DENND1A: variants seen among roughly 807,000 people sequenced by gnomAD.
DENND1A encodes DENN domain containing 1A.
Under a neutral mutation model 113.7 loss-of-function variants are expected in DENND1A, and 51 were observed. That is an observed-to-expected ratio of 0.45 (90% CI 0.36 to 0.57). The LOEUF (loss-of-function observed/expected upper bound fraction) is 0.57, where lower values mean the gene tolerates loss of function less well. DENND1A is among the 20% of genes least tolerant of loss of function. The probability of loss-of-function intolerance (pLI) is 0.00; values close to 1 mark genes in which losing one functional copy is unlikely to be tolerated. For synonymous variants in DENND1A, 565 were observed against 570.8 expected, an observed-to-expected ratio of 0.99 and a Z score of 0.14; for missense variants, 1,258 against 1,395.9, an observed-to-expected ratio of 0.90 and a Z score of 1.57.
In DENND1A at chr9:123,382,242, C is replaced by A. The variant is rs146208649; in HGVS notation, c.2403G>T (p.Thr801=). 1 of 1,609,538 alleles carries A rather than the reference C, an allele frequency of 6.2e-7. No homozygotes were observed. Residue 801 remains threonine (T), a synonymous_variant, in exon 24 of 24, where the codon ACG becomes ACT. Coordinates refer to ENST00000394215, the MANE Select transcript of DENND1A (RefSeq NM_001352964.2). ...ALGDVSERLQ[T]DRDRRAALSP... ...TCAGGGCAGCTCGCCTGTCCCGATC[C>A]GTCTGCAGCCGCTCTGAGACGTCAC...
rs1301648160 is a variant in DENND1A at position 123,861,048 on chromosome 9, G to A, written c.88+17903C>T. Among the ~76,000 whole-genome samples the A allele has an allele frequency of 2.0e-5, 3 of 152,256 alleles. No homozygotes were observed. The South Asian group carries it at 6.2e-4, about 32-fold the overall frequency. On this transcript the variant is annotated intron_variant, in intron 2 of 23. Coordinates refer to ENST00000394215, the MANE Select transcript of DENND1A (RefSeq NM_001352964.2). ...TCTGGCCTTAAACTGCAAAGTTCAT[G>A]TCTAATTTGACTAGTAAGAGTCAGA...
intron 13 of DENND1A, among the ~76,000 whole-genome samples, chr9:123,552,975 G>A (rs541294895): frequency 1.1e-4 from 16 of 152,344 alleles, no homozygotes; most frequent in Non-Finnish European, 2.2e-4. Flanking sequence ...CCAGCATGCC[G>A]GGCACGGTGG....
rs936955076 is a variant in DENND1A at position 123,573,921 on chromosome 9, G to A, written c.867+9248C>T. Among the ~76,000 whole-genome samples the A allele has an allele frequency of 5.3e-5, 8 of 151,652 alleles. No homozygotes were observed. The East Asian group carries it at 5.8e-4, about 11-fold the overall frequency. On this transcript the variant is annotated intron_variant, in intron 12 of 23. Transcript: ENST00000394215. ...TTTTCTAGATGCTCTCTATCACAGT[G>A]AGAATACTTCATTTTCTAGGAGTTC...
chr9:123,895,763 T>TC (rs996408305), intron 1 of DENND1A, among the ~76,000 whole-genome samples: 1 of 152,188 alleles, frequency 6.6e-6, no homozygotes, highest in African/African-American at 2.4e-5. Flanking sequence ...TGCTCCATTC[T>TC]CCCAATCTAA....
chr9:123,420,533 G>A (rs1014559295), intron 19 of DENND1A, among the ~76,000 whole-genome samples: 13 of 152,124 alleles, frequency 8.5e-5, no homozygotes, highest in Middle Eastern at 3.2e-3. Context: ...GGATTCAGGG[G>A]CTCGCCAGTC....
intron 11 of DENND1A, among the ~76,000 whole-genome samples, chr9:123,590,337 G>A (rs1382305934): frequency 2.0e-5 from 3 of 152,156 alleles, no homozygotes; most frequent in Non-Finnish European, 4.4e-5. Flanking sequence ...TTGCCCAAGA[G>A]CAGACAATTC....
In DENND1A at chr9:123,401,579, C is replaced by T; in HGVS notation, c.1631+1823G>A. On this transcript the variant is annotated intron_variant, in intron 21 of 23. Transcript: ENST00000394215. ...TCTATCACTGGTAGTTTGCCAACCA[C>T]CAAACTGGCTCCCATGCTCCCACTG... 2.1e-6 allele frequency: 3 copies of T among 1,396,598 alleles called. No homozygotes were observed. The South Asian group carries it at 4.8e-5, about 23-fold the overall frequency. 86.5% of individuals were successfully genotyped at this position (1,396,598 alleles called of 1,614,324 possible). A position where few individuals can be genotyped will look rare whatever the true frequency, so the allele number is the denominator to read the frequency against.
At position 123,889,695 on chromosome 9, in the gene DENND1A, G is replaced by A. The variant is rs536954496; in HGVS notation, c.18-10674C>T. Among the ~76,000 whole-genome samples the A allele has an allele frequency of 1.6e-4, 24 of 152,262 alleles. No individual in the cohort carries two copies. The South Asian group carries it at 3.3e-3, about 21-fold the overall frequency. ...CAATGTATAAAAATCAAAAGAGGCC[G>A]GGCGTGGTGGCTCATACCTGTAATT... On this transcript the variant is annotated intron_variant, in intron 1 of 23. Transcript: ENST00000394215.
chr9:123,497,514 G>C (rs1421282527), intron 13 of DENND1A, among the ~76,000 whole-genome samples: 1 of 151,930 alleles, frequency 6.6e-6, no homozygotes, highest in Non-Finnish European at 1.5e-5. Context: ...ATAGAGATGG[G>C]GTCTCACTAT....
At chr9:123,870,619 T>C (rs546515201) in intron 2 of DENND1A, among the ~76,000 whole-genome samples, 1 of 152,146 alleles carries the variant, frequency 6.6e-6, no homozygotes, top group African/African-American at 2.4e-5. Flanking sequence ...GTATTTTTAG[T>C]AGAGACGGGG....
intron 13 of DENND1A, among the ~76,000 whole-genome samples, chr9:123,500,961 C>T (rs2052427722): frequency 1.3e-5 from 2 of 152,076 alleles, no homozygotes; most frequent in Non-Finnish European, 2.9e-5. Context: ...AATTTACTGC[C>T]GATTATTTTT....
intron 13 of DENND1A, among the ~76,000 whole-genome samples, chr9:123,548,246 C>T (rs943419997): frequency 6.6e-6 from 1 of 152,120 alleles, no homozygotes; most frequent in African/African-American, 2.4e-5. Context: ...CAGATGACCA[C>T]TAAAATGGGA....
chr9:123,557,800 G>A, intron 12 of DENND1A, 105 bp from the exon 13 acceptor site: 1 of 1,323,358 alleles, frequency 7.6e-7, no homozygotes, highest in Non-Finnish European at 1.0e-6. Context: ...CGGATGGCAG[G>A]ATCCATTTGA....
At chr9:123,528,421 T>C (rs1213629925) in intron 13 of DENND1A, among the ~76,000 whole-genome samples, 2 of 152,214 alleles carry the variant, frequency 1.3e-5, no homozygotes, top group African/African-American at 4.8e-5. Context: ...ATATATTTAT[T>C]GCTGGAGGCT....
intron 13 of DENND1A, among the ~76,000 whole-genome samples, chr9:123,499,191 G>A (rs992826420): frequency 6.6e-6 from 1 of 151,822 alleles, no homozygotes; most frequent in Non-Finnish European, 1.5e-5. Flanking sequence ...ACGCCACCAC[G>A]CCTGGCTACT....
At chr9:123,643,418 T>C (rs2062133718) in intron 9 of DENND1A, among the ~76,000 whole-genome samples, 1 of 152,252 alleles carries the variant, frequency 6.6e-6, no homozygotes, top group Admixed American at 6.5e-5. Context: ...CTCAGGAAAG[T>C]AAATATGCCT....
At chr9:123,872,141 ACC>A (rs1846723737) in intron 2 of DENND1A, among the ~76,000 whole-genome samples, 1 of 152,200 alleles carries the variant, frequency 6.6e-6, no homozygotes, top group Non-Finnish European at 1.5e-5. Flanking sequence ...AAACCAATAC[ACC>A]AATTGGAGTC....
At chr9:123,464,753 CTT>C (rs775297651) in intron 13 of DENND1A, among the ~76,000 whole-genome samples, 2 of 151,018 alleles carry the variant, frequency 1.3e-5, no homozygotes, top group South Asian at 4.2e-4. Flanking sequence ...TTAATTAAAA[CTT>C]TTTTTTTAAC....
chr9:123,574,870 T>C (rs2416909), intron 12 of DENND1A, among the ~76,000 whole-genome samples: 8,484 of 152,290 alleles, frequency 0.056, 327 homozygotes, highest in South Asian at 0.093. Flanking sequence ...AAACTAACAA[T>C]AGCACATTAG....
Sources: allele counts gnomAD v4.1 joint callset (sites outside exome capture counted in the v4.1 genomes callset), GRCh38; gene constraint gnomAD v4.1.1; transcripts MANE v1.5; gene names NCBI Gene and HGNC (gene_info 2026-07-23, HGNC 2026-07-21).